The following PRELID3A variants were observed in gnomAD, a reference collection of about 807,000 sequenced individuals.
The protein encoded by PRELID3A is PRELI domain containing protein 3A.
In PRELID3A, 27 loss-of-function variants were observed where a neutral mutation model predicts 23.0. The observed-to-expected ratio is 1.17, with a 90% confidence interval of 0.87 to 1.62. The LOEUF (loss-of-function observed/expected upper bound fraction) is 1.62, where lower values mean the gene tolerates loss of function less well. PRELID3A is among the 40% of genes most tolerant of loss of function. The pLI is 0.00. For synonymous variants in PRELID3A, 87 were observed against 86.4 expected (o/e 1.01, Z -0.04); for missense variants, 231 against 231.4 (o/e 1.00, Z 0.01).
rs1335715146 is a variant in PRELID3A at position 12,420,623 on chromosome 18, C to T, written c.201+130C>T. On this transcript the variant is annotated intron_variant, in intron 2 of 6. Coordinates refer to ENST00000440960, the MANE Select transcript of PRELID3A (RefSeq NM_001142405.2). Reference sequence around the variant, plus strand: ...GGCTGCCATCGGGGTGGGAGGGCGGCGGGGGGCCTTTCCTGAGATCAGGGG... The same window carrying T: ...GGCTGCCATCGGGGTGGGAGGGCGGTGGGGGGCCTTTCCTGAGATCAGGGG... 1.6e-5 allele frequency: 5 copies of T among 305,802 alleles called. No individual in the cohort carries two copies. The East Asian group carries it at 7.8e-4, about 48-fold the overall frequency. 18.9% of individuals were successfully genotyped at this position (305,802 alleles called of 1,614,324 possible). A position where few individuals can be genotyped will look rare whatever the true frequency, so the allele number is the denominator to read the frequency against.
rs759909539 is a variant in PRELID3A at position 12,427,270 on chromosome 18, G to A, written c.412G>A (p.Gly138Ser). Residue 138 changes from glycine to serine, a missense_variant, in exon 5 of 7, where the codon GGT (glycine) becomes AGT (serine). Transcript: ENST00000440960. ...AIITVKGISL[G>S]SYLESLMANT... ...CATCACTGTGAAGGGGATTAGCCTT[G>A]GTAGTTATTTGGAAAGTTTAATGGC... 4 of 1,614,022 alleles carry A rather than the reference G, an allele frequency of 2.5e-6. No homozygotes were observed. Among genetic ancestry groups the A allele is most frequent in the Non-Finnish European group, 3.4e-6 (4 of 1,180,026 alleles).
intron 1 of PRELID3A, among the ~76,000 whole-genome samples, chr18:12,412,325 T>C (rs1241011178): frequency 2.6e-5 from 4 of 152,044 alleles, no homozygotes; most frequent in Admixed American, 1.3e-4. Context: ...GTAGCTGGGA[T>C]TACAAGCACC....
intron 1 of PRELID3A, among the ~76,000 whole-genome samples, chr18:12,416,912 TG>T (rs1333110182): frequency 1.3e-5 from 2 of 152,166 alleles, no homozygotes; most frequent in Non-Finnish European, 2.9e-5. Flanking sequence ...CCCAAAGTAC[TG>T]GGATTACAGG....
At chr18:12,427,936 C>T (rs558483246) in intron 5 of PRELID3A, among the ~76,000 whole-genome samples, 6 of 152,200 alleles carry the variant, frequency 3.9e-5, no homozygotes, top group South Asian at 4.2e-4. Flanking sequence ...TTCAAAGAGC[C>T]CAAATGTCAT....
In PRELID3A at chr18:12,427,063, C is replaced by T; in HGVS notation, c.314C>T (p.Ser105Leu). The T allele has an allele frequency of 1.2e-6, 2 of 1,612,844 alleles. No individual in the cohort carries two copies. Among genetic ancestry groups the T allele is most frequent in the Non-Finnish European group, 1.7e-6 (2 of 1,178,908 alleles). Residue 105 changes from serine to leucine, a missense_variant, in exon 4 of 7, where the codon TCA becomes TTA. By Grantham distance (145) the Ser-to-Leu change is moderately radical. Coordinates refer to ENST00000440960, the MANE Select transcript of PRELID3A (RefSeq NM_001142405.2). ...STNITLTNLV[S>L]VNERLVYTPH... Reference sequence around the variant, plus strand: ...AAGATCACACTCACAAATTTGGTGTCAGTTAATGAGAGGTTGGTGTACACA... The same window carrying T: ...AAGATCACACTCACAAATTTGGTGTTAGTTAATGAGAGGTTGGTGTACACA...
chr18:12,412,535 A>G (rs1909954648), intron 1 of PRELID3A, among the ~76,000 whole-genome samples: 1 of 152,228 alleles, frequency 6.6e-6, no homozygotes, highest in South Asian at 2.1e-4. Flanking sequence ...ATAGATGTCT[A>G]CATAAATATA....
intron 6 of PRELID3A, 37 bp downstream of exon 6, chr18:12,429,473 C>A: frequency 1.4e-6 from 2 of 1,398,090 alleles, no homozygotes; most frequent in Non-Finnish European, 1.0e-6. Context: ...GGGGTACTTG[C>A]AGCCTCTTGT....
In PRELID3A at chr18:12,407,980, A is replaced by G; in HGVS notation, c.5A>G (p.Lys2Arg). M[K>R]IWSSEHVFGH... The stretch of plus-strand genomic sequence containing the variant: ...CCGCGCCCTGCGCCGGCGGCAATGA[A>G]GATCTGGAGCTCGGAGCACGTGTTT... The change falls in exon 1 of 7, where the codon AAG (lysine) becomes AGG (arginine). Residue 2 changes from lysine (K) to arginine (R), a missense_variant. Physicochemically the swap from Lys to Arg is conservative, Grantham distance 26. Transcript: ENST00000440960. 7.7e-7 allele frequency: 1 copy of G among 1,298,588 alleles called. No individual in the cohort carries two copies. The highest frequency in any genetic ancestry group is 9.8e-7 in the Non-Finnish European group (1 of 1,024,342). 80.4% of individuals were successfully genotyped at this position (1,298,588 alleles called of 1,614,324 possible).
rs562376554 is a variant in PRELID3A at position 12,429,392 on chromosome 18, G to A, written c.508G>A (p.Ala170Thr). The A allele has an allele frequency of 8.7e-6, 14 of 1,613,786 alleles. No homozygotes were observed. The highest frequency in any genetic ancestry group is 6.7e-5 in the Admixed American group (4 of 60,016). The change falls in exon 6 of 7, where the codon GCT (alanine) becomes ACT (threonine). Residue 170 changes from alanine (A) to threonine (T), a missense_variant. By Grantham distance (58) the Ala-to-Thr change is moderately conservative. Coordinates refer to ENST00000440960, the MANE Select transcript of PRELID3A (RefSeq NM_001142405.2). Reference protein sequence around the residue: ...IEWIIEHSESAVS With the variant: ...IEWIIEHSESTVS ...GTGGATAATTGAACACTCTGAAAGCGCTGTGAGCTAAGGAGGCCTGTGCCT... is the reference window on the plus strand; with the variant it reads ...GTGGATAATTGAACACTCTGAAAGCACTGTGAGCTAAGGAGGCCTGTGCCT...
At chr18:12,412,497 T>C (rs113330654) in intron 1 of PRELID3A, among the ~76,000 whole-genome samples, 194 of 152,362 alleles carry the variant, frequency 1.3e-3, no homozygotes, top group African/African-American at 4.4e-3. Context: ...CCTATTGTTT[T>C]TCGAAAATCC....
chr18:12,426,427 G>A (rs968950436), intron 3 of PRELID3A, among the ~76,000 whole-genome samples: 1 of 151,152 alleles, frequency 6.6e-6, no homozygotes, highest in Non-Finnish European at 1.5e-5. Flanking sequence ...GGTGGCAGGT[G>A]CCTGTAGTCC....
At position 12,430,778 on chromosome 18, in the gene PRELID3A, C is replaced by T. The variant is rs549409949; in HGVS notation, c.*34-372C>T. Among the ~76,000 whole-genome samples the T allele has an allele frequency of 3.9e-3, 505 of 130,480 alleles. 4 individuals are homozygous for T. Among genetic ancestry groups the T allele is most frequent in the African/African-American group, 0.011 (379 of 33,768 alleles). The allele number at this position is 130,480 out of a possible 152,430, so 85.6% of individuals were successfully genotyped here. On this transcript the variant is annotated intron_variant, in intron 6 of 6. Coordinates refer to ENST00000440960, the MANE Select transcript of PRELID3A (RefSeq NM_001142405.2). Reference sequence around the variant, plus strand: ...TGCATGTGTGTGATGTGTGTGCATGCGTGTATGATGTGCATGTGTGTGATG... The same window carrying T: ...TGCATGTGTGTGATGTGTGTGCATGTGTGTATGATGTGCATGTGTGTGATG...
intron 3 of PRELID3A, among the ~76,000 whole-genome samples, chr18:12,426,164 G>T (rs2030356113): frequency 6.7e-6 from 1 of 149,982 alleles, no homozygotes; most frequent in African/African-American, 2.5e-5. Flanking sequence ...ACTTCAACCT[G>T]GGAGGCAGAG....
chr18:12,427,426 G>T, intron 5 of PRELID3A, 103 bp downstream of exon 5: 1 of 925,302 alleles, frequency 1.1e-6, no homozygotes, highest in Non-Finnish European at 1.7e-6. Flanking sequence ...GCTGGGCATG[G>T]TGGCTCATGT....
chr18:12,420,520 G>C (rs2030135145), intron 2 of PRELID3A, 27 bp downstream of exon 2: 3 of 1,486,806 alleles, frequency 2.0e-6, no homozygotes, highest in Non-Finnish European at 2.7e-6. Context: ...CTGCGGCTCC[G>C]AACGCGCCCG....
At chr18:12,415,661 C>T (rs2143337977) in intron 1 of PRELID3A, among the ~76,000 whole-genome samples, 1 of 152,314 alleles carries the variant, frequency 6.6e-6, no homozygotes, top group Non-Finnish European at 1.5e-5. Context: ...TTAACAGTTA[C>T]CCTCTGGCAG....
intron 6 of PRELID3A, among the ~76,000 whole-genome samples, chr18:12,430,161 C>A (rs2143407946): frequency 6.6e-6 from 1 of 152,336 alleles, no homozygotes; most frequent in African/African-American, 2.4e-5. Context: ...CCACACTTTG[C>A]TCTCCTTGAA....
Position 12,409,255 on chromosome 18 carries a change from C to A in PRELID3A, c.32+1248C>A, listed in dbSNP as rs137866676. Among the ~76,000 whole-genome samples, 1,033 of 151,128 alleles carry A rather than the reference C, an allele frequency of 6.8e-3. 11 individuals are homozygous for A. The highest frequency in any genetic ancestry group is 0.024 in the African/African-American group (976 of 41,084). On this transcript the variant is annotated intron_variant, in intron 1 of 6. Transcript: ENST00000440960. Reference sequence around the variant, plus strand: ...GATCTTGGCTCACTGTAACCTCCCCCTCCTGGGTTCAAGTGATTCTCGTGC... The same window carrying A: ...GATCTTGGCTCACTGTAACCTCCCCATCCTGGGTTCAAGTGATTCTCGTGC...
At chr18:12,421,011 T>G (rs1021107863) in intron 2 of PRELID3A, among the ~76,000 whole-genome samples, 4 of 152,138 alleles carry the variant, frequency 2.6e-5, no homozygotes, top group Non-Finnish European at 5.9e-5. Flanking sequence ...TTCACCATGG[T>G]TCAGCCCCCC....
Sources: allele counts gnomAD v4.1 joint callset (sites outside exome capture counted in the v4.1 genomes callset), GRCh38; gene constraint gnomAD v4.1.1; transcripts MANE v1.5; gene names NCBI Gene and HGNC (gene_info 2026-07-23, HGNC 2026-07-21).